FRMD3: variants seen among roughly 807,000 people sequenced by gnomAD.
FRMD3 encodes FERM domain containing 3.
FRMD3 carries 33 observed loss-of-function variants against 70.2 expected under a neutral mutation model. The ratio of observed to expected loss-of-function variants is 0.47; its 90% CI spans 0.36 to 0.63. The LOEUF (loss-of-function observed/expected upper bound fraction) is 0.63, where lower values mean the gene tolerates loss of function less well. Among genes scored for constraint, FRMD3 ranks in the 20% least tolerant of loss-of-function variants. FRMD3 has a pLI of 0.00. For synonymous variants in FRMD3, 279 were observed against 255.9 expected (o/e 1.09, Z -0.86); for missense variants, 632 against 711.4 (o/e 0.89, Z 1.27).
intron 13 of FRMD3, among the ~76,000 whole-genome samples, chr9:83,274,036 GT>G (rs776211384): frequency 2.6e-5 from 4 of 152,070 alleles, no homozygotes; most frequent in Non-Finnish European, 2.9e-5. Context: ...TCTCAGGCTG[GT>G]CTTGAACTCC....
rs561243543 is a variant in FRMD3 at position 83,287,778 on chromosome 9, G to A, written c.1195+2825C>T. ...TGCCCTCAAGGCAGCTCAAGGCACT[G>A]ATATCCAGTAGGGCACACAGAAAAG... On this transcript the variant is annotated intron_variant, in intron 13 of 13. Transcript: ENST00000304195. 1.2e-4 allele frequency among the ~76,000 whole-genome samples: 18 copies of A among 152,330 alleles called. No homozygotes were observed. The South Asian group carries it at 3.5e-3, about 30-fold the overall frequency.
upstream of FRMD3, among the ~76,000 whole-genome samples, chr9:83,540,049 T>A (rs1829980819): frequency 6.6e-6 from 1 of 152,134 alleles, no homozygotes; most frequent in African/African-American, 2.4e-5. Context: ...TCTTTTCTCA[T>A]TTCAAAGGAG....
At chr9:83,467,468 C>A (rs969191451) in intron 1 of FRMD3, 4 of 661,666 alleles carry the variant, frequency 6.0e-6, no homozygotes, top group Admixed American at 4.5e-5. Flanking sequence ...TGGTCAGAAG[C>A]TCTACAAAAG....
intron 13 of FRMD3, among the ~76,000 whole-genome samples, chr9:83,277,931 G>A (rs1395515976): frequency 6.6e-6 from 1 of 152,200 alleles, no homozygotes; most frequent in Non-Finnish European, 1.5e-5. Flanking sequence ...TTTGGAGCTG[G>A]TGTTTTAGTT....
intron 13 of FRMD3, 56 bp from the exon 14 acceptor site, chr9:83,248,572 T>G: frequency 6.6e-7 from 1 of 1,507,540 alleles, no homozygotes; most frequent in African/African-American, 1.4e-5. Context: ...CCCACAAAAA[T>G]CTGCAGGAAG....
chr9:83,485,305 A>G (rs1369299600), intron 1 of FRMD3, among the ~76,000 whole-genome samples: 1 of 152,244 alleles, frequency 6.6e-6, no homozygotes. Flanking sequence ...ACGAGCATCC[A>G]TCTCATTAGA....
At chr9:83,401,599 C>T (rs530912999) in intron 1 of FRMD3, among the ~76,000 whole-genome samples, 113 of 152,282 alleles carry the variant, frequency 7.4e-4, no homozygotes, top group Middle Eastern at 3.4e-3. Context: ...TTAGTATGCA[C>T]AGCCAATGAA....
chr9:83,267,097 G>T lies in FRMD3; in HGVS notation c.1196-18581C>A, dbSNP rs757609336. 3 of 1,550,754 alleles carry T rather than the reference G, an allele frequency of 1.9e-6. No homozygotes were observed. The Admixed American group carries it at 5.9e-5, about 30-fold the overall frequency. ...TGCAGTGGTTCACCATGTGCAATTG[G>T]AGGCTTCGTCGAGTCTGGATCTTGA... On this transcript the variant is annotated intron_variant, in intron 13 of 13. Coordinates refer to ENST00000304195, the MANE Select transcript of FRMD3 (RefSeq NM_174938.6).
chr9:83,443,538 C>G (rs975965232), intron 1 of FRMD3, among the ~76,000 whole-genome samples: 3 of 152,156 alleles, frequency 2.0e-5, no homozygotes, highest in Non-Finnish European at 4.4e-5. Context: ...TCCAGTCTGT[C>G]ATTGATGGAC....
At chr9:83,322,654 C>G (rs1835846172) in intron 6 of FRMD3, among the ~76,000 whole-genome samples, 1 of 152,176 alleles carries the variant, frequency 6.6e-6, no homozygotes. Context: ...TTCCACATGT[C>G]AGGCCCTAGG....
chr9:83,411,952 TA>T (rs1826292271), intron 1 of FRMD3, among the ~76,000 whole-genome samples: 1 of 152,218 alleles, frequency 6.6e-6, no homozygotes, highest in African/African-American at 2.4e-5. Flanking sequence ...TCTCAACACA[TA>T]AGGCAGAAAT....
rs10512139 is a variant in FRMD3, at chr9:83,335,218, G to C, written c.596+298C>G. On this transcript the variant is annotated intron_variant, in intron 6 of 13. Transcript: ENST00000304195. The stretch of plus-strand genomic sequence containing the variant: ...CAGAAAGGTTTACTTATTTACCTTA[G>C]ATTCCACTTTCAGAAGCTCAGGGTG... Among the ~76,000 whole-genome samples, 51,902 of 152,070 alleles carry C rather than the reference G, an allele frequency of 0.34. 9,269 individuals carry two copies. Among genetic ancestry groups the C allele is most frequent in the African/African-American group, 0.44 (18,229 of 41,462 alleles).
chr9:83,324,163 A>G (rs1228472427), intron 6 of FRMD3, among the ~76,000 whole-genome samples: 1 of 152,266 alleles, frequency 6.6e-6, no homozygotes, highest in Non-Finnish European at 1.5e-5. Flanking sequence ...AATCTCATAA[A>G]TACAATGTTG....
At chr9:83,578,007 C>T in the FRMD3 span, among the ~76,000 whole-genome samples, 1 of 151,446 alleles carries the variant, frequency 6.6e-6, no homozygotes, top group African/African-American at 2.4e-5. Flanking sequence ...CAACAGATAG[C>T]AAAGAAATGC....
intron 13 of FRMD3, among the ~76,000 whole-genome samples, chr9:83,265,758 G>A (rs973151858): frequency 2.6e-5 from 4 of 152,146 alleles, no homozygotes; most frequent in African/African-American, 9.7e-5. Flanking sequence ...GTGATTATGT[G>A]GGGGAATAGT....
rs1832103351 is a variant in FRMD3 at position 83,246,476 on chromosome 9, G to A, written c.*1442C>T. The A allele has an allele frequency of 7.1e-6, 7 of 984,982 alleles. No individual in the cohort carries two copies. Among genetic ancestry groups the A allele is most frequent in the Non-Finnish European group, 8.4e-6 (7 of 829,822 alleles). The allele number at this position is 984,982 out of a possible 1,614,324, so 61.0% of individuals were successfully genotyped here. A position where few individuals can be genotyped will look rare whatever the true frequency, so the allele number is the denominator to read the frequency against. The stretch of plus-strand genomic sequence containing the variant: ...AGAGCACTGGTCCCCTCTACAGTCT[G>A]GTTAGGGTCATGTCACTACTTTACC... On this transcript the variant is annotated 3_prime_UTR_variant, in exon 14 of 14. Transcript: ENST00000304195.
At chr9:83,545,255 T>C in the FRMD3 span, among the ~76,000 whole-genome samples, 1 of 151,506 alleles carries the variant, frequency 6.6e-6, no homozygotes, top group Admixed American at 6.6e-5. Context: ...GCTTTAACAA[T>C]AGATTAGACC....
the FRMD3 span, among the ~76,000 whole-genome samples, chr9:83,550,384 C>T: frequency 6.6e-6 from 1 of 152,040 alleles, no homozygotes; most frequent in Non-Finnish European, 1.5e-5. Flanking sequence ...TAACATGATT[C>T]CCCCACCTTT....
chr9:83,273,203 G>A (rs1447915305), intron 13 of FRMD3, among the ~76,000 whole-genome samples: 1 of 152,232 alleles, frequency 6.6e-6, no homozygotes, highest in African/African-American at 2.4e-5. Flanking sequence ...GGGGAAATGT[G>A]GGGAAAAGAT....
Sources: gnomAD v4.1 joint callset for allele counts (sites outside exome capture counted in the v4.1 genomes callset) on GRCh38, gnomAD v4.1.1 for gene constraint, MANE v1.5 for transcripts, NCBI Gene and HGNC (gene_info 2026-07-23, HGNC 2026-07-21) for gene names.